ADAM10: variants seen among roughly 807,000 people sequenced by gnomAD.
ADAM10 encodes the protein ADAM metallopeptidase domain 10, also known as disintegrin and metalloproteinase domain-containing protein 10.
Under a neutral mutation model 90.1 loss-of-function variants are expected in ADAM10, and 17 were observed. The ratio of observed to expected loss-of-function variants is 0.19; its 90% CI spans 0.13 to 0.28. The LOEUF (loss-of-function observed/expected upper bound fraction) is 0.28. Among genes scored for constraint, ADAM10 ranks in the 10% least tolerant of loss-of-function variants. ADAM10 has a pLI of 1.00. For missense variants in ADAM10, 610 were observed against 914.3 expected, an observed-to-expected ratio of 0.67 and a Z score of 4.29; for synonymous variants, 310 against 298.6, an observed-to-expected ratio of 1.04 and a Z score of -0.40.
At chr15:58,600,134 T>A (rs1895069255) in intron 14 of ADAM10, among the ~76,000 whole-genome samples, 1 of 152,096 alleles carries the variant, frequency 6.6e-6, no homozygotes, top group Non-Finnish European at 1.5e-5. Flanking sequence ...TTTTTCTCCC[T>A]CAAATGGATA....
intron 2 of ADAM10, among the ~76,000 whole-genome samples, chr15:58,712,389 T>C (rs1332905667): frequency 3.3e-5 from 5 of 151,042 alleles, no homozygotes; most frequent in African/African-American, 1.2e-4. Flanking sequence ...CTAGGCATGG[T>C]GGTGTGTGCC....
intron 2 of ADAM10, among the ~76,000 whole-genome samples, chr15:58,706,083 T>G (rs1898278693): frequency 6.6e-6 from 1 of 152,234 alleles, no homozygotes; most frequent in African/African-American, 2.4e-5. Context: ...AAGTTGCCTT[T>G]TCCCAAGGGG....
intron 14 of ADAM10, among the ~76,000 whole-genome samples, chr15:58,608,393 G>C (rs1224254119): frequency 3.9e-5 from 6 of 152,170 alleles, no homozygotes; most frequent in Admixed American, 6.5e-5. Flanking sequence ...CGGTATGCAA[G>C]TAAACTATGC....
intron 13 of ADAM10, chr15:58,610,797 G>T: frequency 1.6e-6 from 1 of 636,180 alleles, no homozygotes; most frequent in Non-Finnish European, 2.8e-6. Context: ...GCAACGTTTT[G>T]TCTAGTTTAT....
At chr15:58,599,172 G>A (rs1430781019) in intron 15 of ADAM10, among the ~76,000 whole-genome samples, 1 of 148,280 alleles carries the variant, frequency 6.7e-6, no homozygotes, top group Admixed American at 6.8e-5. Flanking sequence ...AAAGAAGGAA[G>A]GGAGGGCGGG....
intron 10 of ADAM10, among the ~76,000 whole-genome samples, chr15:58,627,118 G>C (rs1895970708): frequency 6.6e-6 from 1 of 152,078 alleles, no homozygotes; most frequent in South Asian, 2.1e-4. Flanking sequence ...ATAAAAAGGA[G>C]TATAATACTA....
rs180813877 is a variant in ADAM10, at chr15:58,682,989, C to T, written c.207-675G>A. On this transcript the variant is annotated intron_variant, in intron 2 of 15. Coordinates refer to ENST00000260408, the MANE Select transcript of ADAM10 (RefSeq NM_001110.4). ...ATGACAAAAATCTAGAGTTTAGAAT[C>T]GAATTGGAATCAAATCTTAAGCCTA... 1.3e-3 allele frequency among the ~76,000 whole-genome samples: 199 copies of T among 152,188 alleles called. 1 individual carries two copies. Among genetic ancestry groups the T allele is most frequent in the Admixed American group, 0.012 (176 of 15,290 alleles).
At chr15:58,616,005 C>CTTGCT (rs1895600440) in intron 11 of ADAM10, among the ~76,000 whole-genome samples, 1 of 151,538 alleles carries the variant, frequency 6.6e-6, no homozygotes, top group Non-Finnish European at 1.5e-5. Context: ...AAGACCCTGT[C>CTTGCT]TCCAAAAAAA....
At chr15:58,738,768 G>T (rs145426313) in intron 1 of ADAM10, among the ~76,000 whole-genome samples, 4 of 152,262 alleles carry the variant, frequency 2.6e-5, no homozygotes, top group Non-Finnish European at 5.9e-5. Flanking sequence ...AAATGTGTAC[G>T]TAAGATTTCT....
intron 2 of ADAM10, among the ~76,000 whole-genome samples, chr15:58,696,466 C>CTT (rs1270864897): frequency 4.9e-5 from 7 of 143,786 alleles, no homozygotes; most frequent in African/African-American, 1.6e-4. Context: ...TTCTTTCTTT[C>CTT]TTTTTTTTTT....
chr15:58,744,242 T>C (rs1337650234), intron 1 of ADAM10, among the ~76,000 whole-genome samples: 2 of 122,562 alleles, frequency 1.6e-5, no homozygotes, highest in Admixed American at 2.0e-4. Context: ...TATTGAAAGG[T>C]GAGGGGTAGG....
chr15:58,702,434 C>A (rs895077068), intron 2 of ADAM10, among the ~76,000 whole-genome samples: 1 of 152,014 alleles, frequency 6.6e-6, no homozygotes, highest in African/African-American at 2.4e-5. Context: ...TTGTATATTT[C>A]ACAATAGTTT....
intron 2 of ADAM10, among the ~76,000 whole-genome samples, chr15:58,710,498 C>G (rs1898440076): frequency 6.6e-6 from 1 of 152,080 alleles, no homozygotes; most frequent in African/African-American, 2.4e-5. Flanking sequence ...TTACAAACAG[C>G]TTTCTTGGGA....
intron 1 of ADAM10, among the ~76,000 whole-genome samples, chr15:58,733,582 T>C (rs1434851254): frequency 6.6e-6 from 1 of 152,154 alleles, no homozygotes; most frequent in East Asian, 1.9e-4. Flanking sequence ...TATATGCAAA[T>C]AGTATACCTT....
chr15:58,614,888 G>A (rs527817382), intron 11 of ADAM10, among the ~76,000 whole-genome samples: 1 of 152,190 alleles, frequency 6.6e-6, no homozygotes, highest in South Asian at 2.1e-4. Flanking sequence ...ATGAGAAAAA[G>A]AAGAGTCAAA....
At chr15:58,708,805 G>C (rs1312727875) in intron 2 of ADAM10, among the ~76,000 whole-genome samples, 2 of 152,172 alleles carry the variant, frequency 1.3e-5, no homozygotes, top group Non-Finnish European at 2.9e-5. Context: ...AGTGCAAAGT[G>C]ATTATAATTT....
chr15:58,638,605 ACT>A (rs1213686752), intron 8 of ADAM10, among the ~76,000 whole-genome samples: 1 of 127,968 alleles, frequency 7.8e-6, no homozygotes. Flanking sequence ...ACAGAGCAAC[ACT>A]CTGTCTCAAA....
intron 2 of ADAM10, among the ~76,000 whole-genome samples, chr15:58,702,424 T>C (rs1290162786): frequency 6.6e-6 from 1 of 152,136 alleles, no homozygotes; most frequent in East Asian, 1.9e-4. Context: ...CAACAATACA[T>C]TGTATATTTC....
At chr15:58,746,699 C>T (rs553724175) in intron 1 of ADAM10, among the ~76,000 whole-genome samples, 1 of 152,098 alleles carries the variant, frequency 6.6e-6, no homozygotes, top group Non-Finnish European at 1.5e-5. Context: ...TCGCTAGGGA[C>T]GAGGAGTTTG....
Sources: allele counts gnomAD v4.1 joint callset (sites outside exome capture counted in the v4.1 genomes callset), GRCh38; gene constraint gnomAD v4.1.1; transcripts MANE v1.5; gene names NCBI Gene and HGNC (gene_info 2026-07-23, HGNC 2026-07-21).